Variants in KIAA0825 observed in about 807,000 individuals in gnomAD.
The protein encoded by KIAA0825 is uncharacterized protein KIAA0825.
Under a neutral mutation model 147.6 loss-of-function variants are expected in KIAA0825, and 119 were observed. That is an observed-to-expected ratio of 0.81 (90% CI 0.69 to 0.94). The LOEUF (loss-of-function observed/expected upper bound fraction) is 0.94. KIAA0825 is among the 40% of genes least tolerant of loss of function. The pLI is 0.00. For synonymous variants in KIAA0825, 470 were observed against 518.1 expected, an observed-to-expected ratio of 0.91 and a Z score of 1.26; for missense variants, 1,381 against 1,472.7, an observed-to-expected ratio of 0.94 and a Z score of 1.02.
chr5:94,193,315 C>T (rs948449730), intron 20 of KIAA0825, among the ~76,000 whole-genome samples: 1 of 152,158 alleles, frequency 6.6e-6, no homozygotes, highest in African/African-American at 2.4e-5. Flanking sequence ...ATTGAAAAGT[C>T]ACACAGCTAA....
chr5:94,296,000 G>A (rs540527216), intron 20 of KIAA0825, among the ~76,000 whole-genome samples: 6 of 152,288 alleles, frequency 3.9e-5, no homozygotes, highest in African/African-American at 1.2e-4. Context: ...CAAGTACATT[G>A]AAGTCTGCTG....
intron 20 of KIAA0825, among the ~76,000 whole-genome samples, chr5:94,349,028 A>G (rs552350479): frequency 6.6e-6 from 1 of 152,100 alleles, no homozygotes; most frequent in Non-Finnish European, 1.5e-5. Context: ...GAACTCACCA[A>G]CCAACTATCT....
intron 20 of KIAA0825, among the ~76,000 whole-genome samples, chr5:94,175,948 C>G (rs1769053259): frequency 6.6e-6 from 1 of 152,124 alleles, no homozygotes; most frequent in Non-Finnish European, 1.5e-5. Flanking sequence ...TCATTGATGT[C>G]TAAATTTTTA....
intron 9 of KIAA0825, among the ~76,000 whole-genome samples, chr5:94,471,232 G>C (rs969128753): frequency 1.6e-4 from 23 of 144,410 alleles, no homozygotes; most frequent in African/African-American, 5.8e-4. Context: ...AAATGCGTGG[G>C]TTTTTGAGTG....
At chr5:94,504,259 T>C (rs1413105361) in intron 5 of KIAA0825, among the ~76,000 whole-genome samples, 1 of 152,142 alleles carries the variant, frequency 6.6e-6, no homozygotes, top group Non-Finnish European at 1.5e-5. Flanking sequence ...CTCAAGTAGG[T>C]AGAGGGACAA....
intron 5 of KIAA0825, among the ~76,000 whole-genome samples, chr5:94,485,944 TG>T (rs2151051513): frequency 6.6e-6 from 1 of 152,008 alleles, no homozygotes; most frequent in South Asian, 2.1e-4. Context: ...ACTTAAAGGT[TG>T]TTTTTTTGCC....
At chr5:94,186,379 A>C (rs1281206182) in intron 20 of KIAA0825, among the ~76,000 whole-genome samples, 1 of 152,212 alleles carries the variant, frequency 6.6e-6, no homozygotes, top group Non-Finnish European at 1.5e-5. Flanking sequence ...ATATTTACTG[A>C]CCTTTCTAAA....
At chr5:94,397,458 A>G (rs191750050) in intron 16 of KIAA0825, among the ~76,000 whole-genome samples, 1 of 152,310 alleles carries the variant, frequency 6.6e-6, no homozygotes, top group East Asian at 1.9e-4. Context: ...TATGTGTTGG[A>G]CCTAGTTTTT....
intron 20 of KIAA0825, among the ~76,000 whole-genome samples, chr5:94,352,921 G>T (rs1400689592): frequency 6.6e-6 from 1 of 151,308 alleles, no homozygotes; most frequent in Non-Finnish European, 1.5e-5. Flanking sequence ...TTGGGGACTT[G>T]GGGGGAAGAG....
intron 9 of KIAA0825, 128 bp downstream of exon 9, chr5:94,471,338 A>C: frequency 9.6e-7 from 1 of 1,043,912 alleles, no homozygotes; most frequent in Non-Finnish European, 1.4e-6. Flanking sequence ...GACAAATGAA[A>C]ATAATTCACC....
At chr5:94,561,159 T>C (rs1309902672) in intron 2 of KIAA0825, among the ~76,000 whole-genome samples, 1 of 152,196 alleles carries the variant, frequency 6.6e-6, no homozygotes, top group Non-Finnish European at 1.5e-5. Context: ...ATTTAATCAA[T>C]CGTGTCTACA....
At chr5:94,174,552 A>C (rs1034179428) in intron 20 of KIAA0825, among the ~76,000 whole-genome samples, 1 of 152,150 alleles carries the variant, frequency 6.6e-6, no homozygotes, top group Non-Finnish European at 1.5e-5. Flanking sequence ...ACATTTCCCC[A>C]TTTATATAGA....
intron 20 of KIAA0825, among the ~76,000 whole-genome samples, chr5:94,276,798 T>C (rs1262784133): frequency 2.6e-5 from 4 of 152,236 alleles, no homozygotes; most frequent in Non-Finnish European, 2.9e-5. Context: ...CAAACAGCCT[T>C]ATGGCTAGGC....
At position 94,417,476 on chromosome 5, in the gene KIAA0825, T is replaced by C. The variant is rs1372929875; in HGVS notation, c.2498-111A>G. Reference sequence around the variant, plus strand: ...ATAATGCTGTGGAAATGGTTTTTAATAAGATTTACATAAAAAGAGAATTAC... The same window carrying C: ...ATAATGCTGTGGAAATGGTTTTTAACAAGATTTACATAAAAAGAGAATTAC... On this transcript the variant is annotated intron_variant, in intron 14 of 20. Coordinates refer to ENST00000682413, the MANE Select transcript of KIAA0825 (RefSeq NM_001145678.3). 4 of 811,004 alleles carry C rather than the reference T, an allele frequency of 4.9e-6. No individual in the cohort carries two copies. The African/African-American group carries it at 6.8e-5, about 14-fold the overall frequency. The allele number at this position is 811,004 out of a possible 1,614,324, so 50.2% of individuals were successfully genotyped here.
chr5:94,180,569 G>T (rs1769521274), intron 20 of KIAA0825, among the ~76,000 whole-genome samples: 1 of 152,018 alleles, frequency 6.6e-6, no homozygotes, highest in Non-Finnish European at 1.5e-5. Flanking sequence ...AGGGGACTTT[G>T]GCTGAAGGGT....
At chr5:94,196,262 C>T (rs1771120616) in intron 20 of KIAA0825, among the ~76,000 whole-genome samples, 1 of 152,176 alleles carries the variant, frequency 6.6e-6, no homozygotes. Flanking sequence ...TACTCCCCTG[C>T]TAATGTCCCT....
chr5:94,322,115 A>G (rs974993479), intron 20 of KIAA0825, among the ~76,000 whole-genome samples: 2 of 151,948 alleles, frequency 1.3e-5, no homozygotes, highest in Non-Finnish European at 2.9e-5. Context: ...TCTGATAGCC[A>G]ACAACTTTTT....
rs1322772086 is a variant in KIAA0825 at position 94,153,329 on chromosome 5, A to C, written c.*678T>G. ...TTCTGATTGGGAAAACATGGCAAGC[A>C]TGTGACTTGAACCAAGAGGATGGCA... On this transcript the variant is annotated 3_prime_UTR_variant, in exon 21 of 21. Coordinates refer to ENST00000682413, the MANE Select transcript of KIAA0825 (RefSeq NM_001145678.3). 6.6e-6 allele frequency: 1 copy of C among 152,098 alleles called. No individual in the cohort carries two copies. The highest frequency in any genetic ancestry group is 1.5e-5 in the Non-Finnish European group (1 of 68,004). The allele number at this position is 152,098 out of a possible 1,614,324, so 9.4% of individuals were successfully genotyped here. A position where few individuals can be genotyped will look rare whatever the true frequency, so the allele number is the denominator to read the frequency against.
intron 20 of KIAA0825, among the ~76,000 whole-genome samples, chr5:94,377,875 T>C (rs977237611): frequency 1.3e-5 from 2 of 152,224 alleles, no homozygotes; most frequent in Admixed American, 6.5e-5. Context: ...TGTTATCAGC[T>C]AACTCCACCT....
Sources: allele counts gnomAD v4.1 joint callset (sites outside exome capture counted in the v4.1 genomes callset), GRCh38; gene constraint gnomAD v4.1.1; transcripts MANE v1.5; gene names NCBI Gene and HGNC (gene_info 2026-07-23, HGNC 2026-07-21).